ATP11A: variants seen among roughly 807,000 people sequenced by gnomAD.
ATP11A encodes phospholipid-transporting ATPase IH.
In ATP11A, 81 loss-of-function variants were observed where a neutral mutation model predicts 154.4. That is an observed-to-expected ratio of 0.52 (90% CI 0.44 to 0.63). ATP11A has a LOEUF of 0.63. Among genes scored for constraint, ATP11A ranks in the 30% least tolerant of loss-of-function variants. The probability of loss-of-function intolerance (pLI) is 0.00; values close to 1 mark genes in which losing one functional copy is unlikely to be tolerated. For missense variants in ATP11A, 1,316 were observed against 1,474.3 expected, an observed-to-expected ratio of 0.89 and a Z score of 1.76; for synonymous variants, 623 against 585.9, an observed-to-expected ratio of 1.06 and a Z score of -0.91.
chr13:112,782,990 C>T (rs1035273889), intron 1 of ATP11A, among the ~76,000 whole-genome samples: 5 of 152,242 alleles, frequency 3.3e-5, no homozygotes, highest in Non-Finnish European at 7.3e-5. Flanking sequence ...ACAGTTGGGG[C>T]ACATGGAGAC....
At chr13:112,742,373 G>A (rs937941320) in intron 1 of ATP11A, among the ~76,000 whole-genome samples, 1 of 152,128 alleles carries the variant, frequency 6.6e-6, no homozygotes, top group African/African-American at 2.4e-5. Flanking sequence ...CTCAGCATGT[G>A]GTCCCACGGA....
chr13:112,842,202 AATG>A, intron 16 of ATP11A, 71 bp from the exon 17 acceptor site: 1 of 1,237,530 alleles, frequency 8.1e-7, no homozygotes, highest in East Asian at 2.5e-5. Flanking sequence ...GTTTTTTAAT[AATG>A]GCATAATTTT....
intron 18 of ATP11A, among the ~76,000 whole-genome samples, chr13:112,853,595 G>A (rs1566574313): frequency 6.6e-6 from 1 of 152,172 alleles, no homozygotes; most frequent in Non-Finnish European, 1.5e-5. Flanking sequence ...CGGAAGAGCC[G>A]CTTACCCCCG....
chr13:112,715,078 C>T (rs983092526), intron 1 of ATP11A, among the ~76,000 whole-genome samples: 2 of 152,204 alleles, frequency 1.3e-5, no homozygotes, highest in African/African-American at 2.4e-5. Context: ...ACAAGGGTCC[C>T]TGTGTTGTAG....
chr13:112,760,206 CTT>C (rs1363281580), intron 1 of ATP11A, among the ~76,000 whole-genome samples: 1 of 152,234 alleles, frequency 6.6e-6, no homozygotes, highest in Non-Finnish European at 1.5e-5. Context: ...AGTAATTTCT[CTT>C]GTTTTTCTCT....
In ATP11A at chr13:112,860,409, G is replaced by T. The variant is rs764617418; in HGVS notation, c.2850G>T (p.Leu950=). Residue 950 remains leucine (L), a synonymous_variant, in exon 24 of 30, where the codon CTG becomes CTT. Coordinates refer to ENST00000375645, the MANE Select transcript of ATP11A (RefSeq NM_015205.3). ...GIDVLKRDPT[L]YRDVAKNALL... ...ACGTGCTCAAGAGAGACCCGACCCT[G>T]TACAGGTACCATCCTCCAAACAGCC... 1 of 1,613,964 alleles carries T rather than the reference G, an allele frequency of 6.2e-7. No individual in the cohort carries two copies. Among genetic ancestry groups the T allele is most frequent in the Non-Finnish European group, 8.5e-7 (1 of 1,179,988 alleles).
chr13:112,815,594 C>T (rs1254933970), intron 5 of ATP11A, among the ~76,000 whole-genome samples: 1 of 152,220 alleles, frequency 6.6e-6, no homozygotes, highest in Non-Finnish European at 1.5e-5. Context: ...TAATTAAAAA[C>T]CCACATGATC....
At chr13:112,822,785 CTTTTA>C (rs1348171932) in intron 8 of ATP11A, among the ~76,000 whole-genome samples, 1 of 150,974 alleles carries the variant, frequency 6.6e-6, no homozygotes, top group Non-Finnish European at 1.5e-5. Flanking sequence ...AGTTGAGTGA[CTTTTA>C]TTTTATTTCA....
At chr13:112,735,164 A>T (rs1376638820) in intron 1 of ATP11A, among the ~76,000 whole-genome samples, 1 of 152,258 alleles carries the variant, frequency 6.6e-6, no homozygotes, top group Non-Finnish European at 1.5e-5. Context: ...CCATAGATAC[A>T]CTGGGGAAAA....
intron 6 of ATP11A, 77 bp from the exon 7 acceptor site, chr13:112,819,226 CA>C: frequency 8.5e-7 from 1 of 1,181,336 alleles, no homozygotes; most frequent in Non-Finnish European, 1.3e-6. Flanking sequence ...GCTTTGTAAT[CA>C]CTTGGTTGGA....
chr13:112,771,299 T>C (rs966967914), intron 1 of ATP11A, among the ~76,000 whole-genome samples: 2 of 152,156 alleles, frequency 1.3e-5, no homozygotes, highest in African/African-American at 4.8e-5. Context: ...TTGCCCTTAC[T>C]GGGGCAACGA....
At chr13:112,716,969 G>A (rs906919172) in intron 1 of ATP11A, among the ~76,000 whole-genome samples, 7 of 152,164 alleles carry the variant, frequency 4.6e-5, no homozygotes, top group Admixed American at 4.6e-4. Flanking sequence ...GAGGCTTGTG[G>A]TGTCCACCCA....
chr13:112,691,737 C>G (rs1288968681), intron 1 of ATP11A, among the ~76,000 whole-genome samples: 3 of 152,114 alleles, frequency 2.0e-5, no homozygotes, highest in African/African-American at 7.2e-5. Context: ...AAATAGGAGA[C>G]CTTGGCCAAA....
intron 4 of ATP11A, among the ~76,000 whole-genome samples, chr13:112,810,392 G>A (rs965086252): frequency 6.6e-6 from 1 of 152,196 alleles, no homozygotes; most frequent in Admixed American, 6.5e-5. Context: ...CAACGTCTTC[G>A]AAGTTCTACA....
intron 29 of ATP11A, among the ~76,000 whole-genome samples, chr13:112,879,051 A>G (rs1278762): frequency 0.94 from 142,546 of 152,374 alleles, 66,928 homozygotes; most frequent in South Asian, 0.98. Context: ...GGTGTCCATG[A>G]TAAGAGCCGA....
intron 3 of ATP11A, among the ~76,000 whole-genome samples, chr13:112,805,715 T>G (rs1367350700): frequency 9.4e-6 from 1 of 106,266 alleles, no homozygotes. Flanking sequence ...AGAAAGAAAA[T>G]CCAAAGACAG....
chr13:112,699,509 T>C (rs528970939), intron 1 of ATP11A, among the ~76,000 whole-genome samples: 6 of 152,330 alleles, frequency 3.9e-5, no homozygotes, highest in Non-Finnish European at 8.8e-5. Context: ...TTGAAGGACA[T>C]CAGCTGGCTG....
rs553187902 is a variant in ATP11A, at chr13:112,762,607, G to C, written c.40-22528G>C. Among the ~76,000 whole-genome samples, 4 of 152,306 alleles carry C rather than the reference G, an allele frequency of 2.6e-5. No homozygotes were observed. In the South Asian group the frequency reaches 8.3e-4, roughly 32 times the overall value. On this transcript the variant is annotated intron_variant, in intron 1 of 29. Coordinates refer to ENST00000375645, the MANE Select transcript of ATP11A (RefSeq NM_015205.3). ...TACAGACGGGTGTGTTGGGTGTGAC[G>C]CAGGCTGGAAATGTGCAGAAGTGGT...
At position 112,753,333 on chromosome 13, in the gene ATP11A, C is replaced by T. The variant is rs927432177; in HGVS notation, c.40-31802C>T. On this transcript the variant is annotated intron_variant, in intron 1 of 29. Transcript: ENST00000375645. The surrounding 1 kb of genome is among the most constrained non-coding windows in gnomAD (Gnocchi z 4.1). ...TGTGAGTACATCAGCTATATTTCTG[C>T]GAGGACAGCTTTGGGATCGCTTTGG... 2.6e-5 allele frequency among the ~76,000 whole-genome samples: 4 copies of T among 152,140 alleles called. No homozygotes were observed. Among genetic ancestry groups the T allele is most frequent in the Non-Finnish European group, 4.4e-5 (3 of 68,026 alleles).
Sources: gnomAD v4.1 joint callset for allele counts (sites outside exome capture counted in the v4.1 genomes callset) on GRCh38, gnomAD v4.1.1 for gene constraint, Gnocchi (gnomAD v3.1) non-coding constraint, MANE v1.5 for transcripts, NCBI Gene and HGNC (gene_info 2026-07-23, HGNC 2026-07-21) for gene names.